Variants in FAM221A observed in about 807,000 individuals in gnomAD.
FAM221A encodes the protein protein FAM221A.
Under a neutral mutation model 37.6 loss-of-function variants are expected in FAM221A, and 43 were observed. The ratio of observed to expected loss-of-function variants is 1.15; its 90% CI spans 0.90 to 1.48. FAM221A has a LOEUF of 1.48. Ranked by LOEUF, FAM221A falls within the 40% of genes most tolerant of loss-of-function variation. The probability of loss-of-function intolerance (pLI) is 0.00; values close to 1 mark genes in which losing one functional copy is unlikely to be tolerated. For missense variants in FAM221A, 361 were observed against 361.5 expected (o/e 1.00, Z 0.01); for synonymous variants, 135 against 132.9 (o/e 1.02, Z -0.11).
chr7:23,690,207 T>A (rs1369453020), intron 3 of FAM221A, among the ~76,000 whole-genome samples: 6 of 92,732 alleles, frequency 6.5e-5, no homozygotes, highest in South Asian at 4.3e-4. Flanking sequence ...ATATTTTTTT[T>A]TTTTTTAATA....
chr7:23,684,534 C>T lies in FAM221A; in HGVS notation c.101C>T (p.Thr34Ile). The T allele has an allele frequency of 6.2e-7, 1 of 1,612,046 alleles. No individual in the cohort carries two copies. Among genetic ancestry groups the T allele is most frequent in the Non-Finnish European group, 8.5e-7 (1 of 1,179,400 alleles). ...VGEDDGGKLF[T>I]PEEYEEYKRK... Reference sequence around the variant, plus strand: ...GAGGATGATGGAGGGAAACTTTTTACTCCTGAAGAATATGAAGAATACAAA... The same window carrying T: ...GAGGATGATGGAGGGAAACTTTTTATTCCTGAAGAATATGAAGAATACAAA... The change falls in exon 2 of 7, where the codon ACT becomes ATT. Residue 34 changes from threonine (T) to isoleucine (I), a missense_variant. Thr to Ile is a moderately conservative substitution (Grantham distance 89, BLOSUM62 -1). Coordinates refer to ENST00000344962, the MANE Select transcript of FAM221A (RefSeq NM_199136.5).
intron 3 of FAM221A, among the ~76,000 whole-genome samples, chr7:23,690,223 T>G: frequency 7.1e-6 from 1 of 139,904 alleles, no homozygotes; most frequent in African/African-American, 2.7e-5. Flanking sequence ...TAATAGAGTT[T>G]TGCTCTTGTC....
At chr7:23,690,698 TA>T in intron 3 of FAM221A, among the ~76,000 whole-genome samples, 1 of 152,340 alleles carries the variant, frequency 6.6e-6, no homozygotes, top group Non-Finnish European at 1.5e-5. Flanking sequence ...GAATGTTGTG[TA>T]ACCACCAGCA....
chr7:23,689,051 A>G (rs1784547961), intron 2 of FAM221A: 1 of 393,662 alleles, frequency 2.5e-6, no homozygotes, highest in East Asian at 3.6e-5. Flanking sequence ...TTCTTAAATA[A>G]CTAAAAATAG....
At chr7:23,699,535 C>CTTTTTT (rs57930152) in intron 5 of FAM221A, among the ~76,000 whole-genome samples, 34 of 64,194 alleles carry the variant, frequency 5.3e-4, no homozygotes, top group Non-Finnish European at 6.1e-4. Flanking sequence ...TCACCTTTTC[C>CTTTTTT]TTTTTTTTTT....
intron 4 of FAM221A, chr7:23,692,906 G>A (rs1784835467): frequency 9.4e-6 from 2 of 213,164 alleles, no homozygotes; most frequent in South Asian, 1.7e-4. Flanking sequence ...GGGTTCAAGC[G>A]ATCCTCCAGT....
At position 23,680,270 on chromosome 7, in the gene FAM221A, C is replaced by A; in HGVS notation, c.52C>A (p.Leu18Met). 1 of 1,548,254 alleles carries A rather than the reference C, an allele frequency of 6.5e-7. No homozygotes were observed. Among genetic ancestry groups the A allele is most frequent in the South Asian group, 1.2e-5 (1 of 83,974 alleles). ...CGGCGCGGCGGCGGTGGACGAGTAC[C>A]TGGAGTACCGGAGGTGAGGCTGTGG... ...LGGAAAVDEYLEYRRIVGEDD... is the reference protein window; with the variant it reads ...LGGAAAVDEYMEYRRIVGEDD... The change falls in exon 1 of 7, where the codon CTG (leucine) becomes ATG (methionine). Residue 18 changes from leucine to methionine, a missense_variant. Physicochemically the swap from Leu to Met is conservative, Grantham distance 15. Coordinates refer to ENST00000344962, the MANE Select transcript of FAM221A (RefSeq NM_199136.5).
intron 5 of FAM221A, among the ~76,000 whole-genome samples, chr7:23,699,134 T>TC (rs1353475068): frequency 6.6e-6 from 1 of 151,446 alleles, no homozygotes; most frequent in Non-Finnish European, 1.5e-5. Flanking sequence ...TTTTTTTTTT[T>TC]TGAGACAAGT....
At chr7:23,681,568 C>G (rs1294637283) in intron 1 of FAM221A, among the ~76,000 whole-genome samples, 1 of 152,156 alleles carries the variant, frequency 6.6e-6, no homozygotes, top group African/African-American at 2.4e-5. Context: ...TACAGGCGGC[C>G]AGCTAATTTT....
Position 23,689,341 on chromosome 7 carries a change from T to C in FAM221A, c.312T>C (p.Thr104=). 3 of 1,604,222 alleles carry C rather than the reference T, an allele frequency of 1.9e-6. No individual in the cohort carries two copies. Among genetic ancestry groups the C allele is most frequent in the African/African-American group, 2.7e-5 (2 of 74,922 alleles). The change falls in exon 3 of 7, where the codon ACT becomes ACC. Residue 104 remains threonine (T), a synonymous_variant. Transcript: ENST00000344962. ...CCATTGATCTGCCCTGCCAAGTGAC[T>C]GGCTGCCAGTGCAGGGCTTACCTTT... ...QCPIDLPCQV[T]GCQCRAYLYV...
intron 4 of FAM221A, among the ~76,000 whole-genome samples, chr7:23,695,177 A>G (rs760899723): frequency 6.6e-6 from 1 of 151,802 alleles, no homozygotes; most frequent in African/African-American, 2.4e-5. Context: ...GAGTCTTACT[A>G]TGTTGCTCAG....
chr7:23,690,199 A>ATATATATATATATATATATAT (rs774313037), intron 3 of FAM221A, among the ~76,000 whole-genome samples: 8 of 48,736 alleles, frequency 1.6e-4, no homozygotes, highest in Non-Finnish European at 2.5e-4. Flanking sequence ...ATATATATAT[A>ATATATATATATATATATATAT]TTTTTTTTTT....
chr7:23,698,346 A>C, intron 5 of FAM221A, 47 bp downstream of exon 5: 2 of 988,752 alleles, frequency 2.0e-6, no homozygotes, highest in Non-Finnish European at 3.1e-6. Flanking sequence ...GTAAATTGGA[A>C]TATGGAGCTT....
At chr7:23,695,093 C>T (rs540216505) in intron 4 of FAM221A, among the ~76,000 whole-genome samples, 1 of 152,230 alleles carries the variant, frequency 6.6e-6, no homozygotes, top group South Asian at 2.1e-4. Context: ...CCCAACCTCC[C>T]GAGTAGCTGT....
chr7:23,689,274 A>G lies in FAM221A; in HGVS notation c.245A>G (p.Lys82Arg). 1 of 1,517,092 alleles carries G rather than the reference A, an allele frequency of 6.6e-7. No homozygotes were observed. The highest frequency in any genetic ancestry group is 9.0e-7 in the Non-Finnish European group (1 of 1,112,478). 94.0% of individuals were successfully genotyped at this position (1,517,092 alleles called of 1,614,324 possible). Residue 82 changes from lysine to arginine, a missense_variant, in exon 3 of 7, where the codon AAA becomes AGA. Lys to Arg is a conservative substitution (Grantham distance 26). Transcript: ENST00000344962. ...CTCTCTTTCTCCTTTTTTAGGTATAAACAACATAAAACTGACTTGGAAGCG... is the reference window on the plus strand; with the variant it reads ...CTCTCTTTCTCCTTTTTTAGGTATAGACAACATAAAACTGACTTGGAAGCG... ...ETLCFCTHRY[K>R]QHKTDLEAIP...
intron 6 of FAM221A, 116 bp downstream of exon 6, chr7:23,700,984 C>T (rs926480453): frequency 4.1e-6 from 3 of 735,752 alleles, no homozygotes; most frequent in African/African-American, 3.5e-5. Context: ...TCTTTACTTA[C>T]AGTTGGTGTT....
chr7:23,698,947 T>C (rs546728001), intron 5 of FAM221A, among the ~76,000 whole-genome samples: 5 of 152,268 alleles, frequency 3.3e-5, no homozygotes, highest in Middle Eastern at 3.4e-3. Flanking sequence ...AGGACACAGC[T>C]GTGGCAGCTT....
intron 3 of FAM221A, among the ~76,000 whole-genome samples, chr7:23,690,170 CATATATATAT>C (rs1175330292): frequency 1.5e-5 from 1 of 68,596 alleles, no homozygotes; most frequent in Non-Finnish European, 2.8e-5. Flanking sequence ...TGCCTTGGTT[CATATATATAT>C]ATATATATAT....
At chr7:23,688,628 CTT>C (rs1281490574) in intron 2 of FAM221A, 1 of 149,776 alleles carries the variant, frequency 6.7e-6, no homozygotes, top group Admixed American at 6.7e-5. Context: ...TGGTAAAGAA[CTT>C]TTTCTTTTCT....
Sources: gnomAD v4.1 joint callset for allele counts (sites outside exome capture counted in the v4.1 genomes callset) on GRCh38, gnomAD v4.1.1 for gene constraint, MANE v1.5 for transcripts, NCBI Gene and HGNC (gene_info 2026-07-23, HGNC 2026-07-21) for gene names.